The following UTP6 variants were observed in gnomAD, a reference collection of about 807,000 sequenced individuals.
UTP6 encodes the protein U3 small nucleolar RNA-associated protein 6 homolog.
A neutral mutation model predicts 96.5 loss-of-function variants in UTP6; 60 were observed. That is an observed-to-expected ratio of 0.62 (90% CI 0.51 to 0.77). The LOEUF (loss-of-function observed/expected upper bound fraction) is 0.77. UTP6 is among the 30% of genes least tolerant of loss of function. UTP6 has a pLI of 0.00. For synonymous variants in UTP6, 215 were observed against 240.1 expected (o/e 0.90, Z 0.96); for missense variants, 637 against 706.5 (o/e 0.90, Z 1.12).
chr17:31,878,085 T>C (rs937452288), intron 13 of UTP6, among the ~76,000 whole-genome samples, 165 bp downstream of exon 13: 9 of 152,140 alleles, frequency 5.9e-5, no homozygotes, highest in African/African-American at 1.9e-4. Flanking sequence ...ATTTCATTTT[T>C]TGCATAGGCC....
intron 16 of UTP6, among the ~76,000 whole-genome samples, chr17:31,869,602 A>G (rs1260461721): frequency 2.0e-5 from 3 of 152,112 alleles, no homozygotes; most frequent in African/African-American, 7.2e-5. Context: ...CTCCCACCTC[A>G]GCCTCCTAAA....
chr17:31,885,191 C>CG, intron 9 of UTP6, among the ~76,000 whole-genome samples: 1 of 152,022 alleles, frequency 6.6e-6, no homozygotes, highest in Non-Finnish European at 1.5e-5. Context: ...GATGAAGTCT[C>CG]GCTCTGTTGC....
At chr17:31,896,449 A>T (rs1904648110) in intron 2 of UTP6, among the ~76,000 whole-genome samples, 1 of 152,114 alleles carries the variant, frequency 6.6e-6, no homozygotes, top group African/African-American at 2.4e-5. Context: ...GTTTAACTAC[A>T]AGTGATGTTT....
intron 16 of UTP6, chr17:31,873,114 C>T (rs1055692124): frequency 6.3e-6 from 2 of 319,800 alleles, no homozygotes; most frequent in Non-Finnish European, 1.2e-5. Context: ...ATTAGCCAGG[C>T]GTGGTGGCAG....
At chr17:31,879,351 C>T (rs1266796344) in intron 11 of UTP6, among the ~76,000 whole-genome samples, 7 of 152,040 alleles carry the variant, frequency 4.6e-5, no homozygotes, top group Non-Finnish European at 1.0e-4. Context: ...GATCGTGTCA[C>T]TGTACTCCAG....
At chr17:31,887,647 C>G (rs1911226665) in intron 7 of UTP6, 1 of 168,684 alleles carries the variant, frequency 5.9e-6, no homozygotes, top group African/African-American at 2.4e-5. Flanking sequence ...CCACCACACC[C>G]AGGCTTAACT....
At chr17:31,865,586 A>G (rs1909766372) in intron 17 of UTP6, 148 bp from the exon 18 acceptor site, 1 of 707,298 alleles carries the variant, frequency 1.4e-6, no homozygotes, top group African/African-American at 1.8e-5. Context: ...CTTTTCTAGG[A>G]AAAAAATCAA....
chr17:31,891,014 T>C (rs1306962470), intron 6 of UTP6, among the ~76,000 whole-genome samples: 1 of 152,120 alleles, frequency 6.6e-6, no homozygotes, highest in Non-Finnish European at 1.5e-5. Flanking sequence ...AAATAAATTA[T>C]AATTCATAAT....
rs1344659767 is a variant in UTP6 at position 31,873,373 on chromosome 17, A to G, written c.1496+5T>C. The G allele has an allele frequency of 3.1e-6, 5 of 1,613,910 alleles. No individual in the cohort carries two copies. In the African/African-American group the frequency reaches 6.7e-5, roughly 22 times the overall value. The stretch of plus-strand genomic sequence containing the variant: ...CTAGTAACAACTATGAACGTCTGTG[A>G]GTACCTTTTAAACACAGCTCTGGCC... On this transcript the variant is annotated splice_donor_5th_base_variant and intron_variant, in intron 16 of 18. Coordinates refer to ENST00000261708, the MANE Select transcript of UTP6 (RefSeq NM_018428.3).
At chr17:31,895,295 C>T (rs561873998) in intron 2 of UTP6, among the ~76,000 whole-genome samples, 1 of 152,290 alleles carries the variant, frequency 6.6e-6, no homozygotes, top group South Asian at 2.1e-4. Context: ...TGCAGCTACA[C>T]CAAACCTACA....
chr17:31,888,163 T>C (rs1054455633), intron 7 of UTP6: 4 of 151,052 alleles, frequency 2.6e-5, no homozygotes, highest in Middle Eastern at 3.4e-3. Flanking sequence ...CAGGTATCTA[T>C]CTCAAGAAAA....
intron 2 of UTP6, among the ~76,000 whole-genome samples, chr17:31,897,049 C>T (rs72821936): frequency 6.6e-6 from 1 of 151,550 alleles, no homozygotes; most frequent in Non-Finnish European, 1.5e-5. Flanking sequence ...AACTCTGGTA[C>T]GGCAAGGCAG....
intron 5 of UTP6, 47 bp downstream of exon 5, chr17:31,892,700 A>G: frequency 6.2e-7 from 1 of 1,612,664 alleles, no homozygotes; most frequent in Non-Finnish European, 8.5e-7. Flanking sequence ...AGGGCAGATT[A>G]ACAAAAAGAC....
intron 2 of UTP6, among the ~76,000 whole-genome samples, chr17:31,897,563 C>T (rs976158839): frequency 6.6e-6 from 1 of 151,578 alleles, no homozygotes; most frequent in African/African-American, 2.4e-5. Context: ...ATTCTCCTGC[C>T]TCAGCCCCTG....
chr17:31,863,222 A>G lies in UTP6; in HGVS notation c.*137T>C, dbSNP rs1172874261. The G allele has an allele frequency of 2.2e-5, 20 of 900,302 alleles. No individual in the cohort carries two copies. The Admixed American group carries it at 4.9e-4, about 22-fold the overall frequency. The allele number at this position is 900,302 out of a possible 1,614,324, so 55.8% of individuals were successfully genotyped here. A position where few individuals can be genotyped will look rare whatever the true frequency, so the allele number is the denominator to read the frequency against. On this transcript the variant is annotated 3_prime_UTR_variant, in exon 19 of 19. Transcript: ENST00000261708. Reference sequence around the variant, plus strand: ...TTAAAAAGATTTAACAAGTTAACATAAAATTAAAGTGTGTCTCAAAACCAG... The same window carrying G: ...TTAAAAAGATTTAACAAGTTAACATGAAATTAAAGTGTGTCTCAAAACCAG...
At chr17:31,883,888 C>G (rs1452041534) in intron 10 of UTP6, among the ~76,000 whole-genome samples, 1 of 60,580 alleles carries the variant, frequency 1.7e-5, no homozygotes, top group Non-Finnish European at 4.5e-5. Context: ...AGGGTGGTCT[C>G]AAACCCCTGA....
At chr17:31,898,639 G>A (rs1026823578) in intron 2 of UTP6, among the ~76,000 whole-genome samples, 17 of 152,170 alleles carry the variant, frequency 1.1e-4, no homozygotes, top group East Asian at 3.8e-4. Flanking sequence ...CGGAGGTTGC[G>A]GTGAGCGTGA....
intron 16 of UTP6, among the ~76,000 whole-genome samples, chr17:31,871,983 C>T (rs1428591495): frequency 1.3e-5 from 2 of 152,014 alleles, no homozygotes; most frequent in East Asian, 3.9e-4. Context: ...CACCAGAGGT[C>T]AGGAGTTCGA....
chr17:31,884,102 G>A (rs555414549), intron 10 of UTP6, among the ~76,000 whole-genome samples: 8 of 151,020 alleles, frequency 5.3e-5, no homozygotes, highest in East Asian at 3.9e-4. Context: ...AGGTTCAAGC[G>A]AGTCTCCTGG....
Sources: gnomAD v4.1 joint callset for allele counts (sites outside exome capture counted in the v4.1 genomes callset) on GRCh38, gnomAD v4.1.1 for gene constraint, MANE v1.5 for transcripts, NCBI Gene and HGNC (gene_info 2026-07-23, HGNC 2026-07-21) for gene names.